TCF7L1: variants seen among roughly 807,000 people sequenced by gnomAD.
TCF7L1 encodes the protein transcription factor 7-like 1.
TCF7L1 carries 18 observed loss-of-function variants against 63.7 expected under a neutral mutation model. That is an observed-to-expected ratio of 0.28 (90% confidence interval 0.20 to 0.42). TCF7L1 has a LOEUF of 0.42. TCF7L1 is among the 10% of genes least tolerant of loss of function. The pLI is 1.00. For synonymous variants in TCF7L1, 355 were observed against 340.9 expected, an observed-to-expected ratio of 1.04 and a Z score of -0.46; for missense variants, 654 against 779.3, an observed-to-expected ratio of 0.84 and a Z score of 1.91.
chr2:85,237,020 G>A (rs1680207359), intron 3 of TCF7L1, among the ~76,000 whole-genome samples: 1 of 152,150 alleles, frequency 6.6e-6, no homozygotes, highest in Non-Finnish European at 1.5e-5. Context: ...TCTGAAATAG[G>A]ATGCTGAGAT....
chr2:85,196,570 A>G (rs369542502), intron 3 of TCF7L1, among the ~76,000 whole-genome samples: 1 of 150,968 alleles, frequency 6.6e-6, no homozygotes, highest in African/African-American at 2.4e-5. Context: ...GGGTCTCACT[A>G]TGTTGCCCAG....
At chr2:85,307,789 T>C in intron 11 of TCF7L1, 72 bp downstream of exon 11, 4 of 1,405,326 alleles carry the variant, frequency 2.8e-6, no homozygotes, top group Non-Finnish European at 3.0e-6. Flanking sequence ...ATGCTGTCTC[T>C]AGCTCCCTGA....
chr2:85,263,831 C>T (rs778898631), intron 3 of TCF7L1, among the ~76,000 whole-genome samples: 3 of 152,206 alleles, frequency 2.0e-5, no homozygotes, highest in Non-Finnish European at 4.4e-5. Flanking sequence ...GCTTTCGAGG[C>T]ATAGGCCAAG....
chr2:85,164,117 T>A (rs1025465557), intron 3 of TCF7L1, among the ~76,000 whole-genome samples: 2 of 151,990 alleles, frequency 1.3e-5, no homozygotes, highest in Non-Finnish European at 2.9e-5. Context: ...AGCTGCATAT[T>A]TTTTTTTCTT....
intron 3 of TCF7L1, among the ~76,000 whole-genome samples, chr2:85,244,264 T>G (rs1229058658): frequency 6.6e-6 from 1 of 152,102 alleles, no homozygotes; most frequent in East Asian, 1.9e-4. Flanking sequence ...GCCTTTTGAC[T>G]GAGATGGGGA....
chr2:85,302,324 C>T (rs773654053), intron 4 of TCF7L1, among the ~76,000 whole-genome samples, 160 bp from the exon 5 acceptor site: 1 of 152,162 alleles, frequency 6.6e-6, no homozygotes, highest in Non-Finnish European at 1.5e-5. Context: ...AGTCCTGCTG[C>T]TCTGCTGTGT....
chr2:85,147,235 T>TC (rs1677900402), intron 3 of TCF7L1, among the ~76,000 whole-genome samples: 1 of 152,216 alleles, frequency 6.6e-6, no homozygotes, highest in Non-Finnish European at 1.5e-5. Flanking sequence ...GTCCTCCACC[T>TC]CAGGCCAAGG....
chr2:85,217,811 A>T (rs924099221), intron 3 of TCF7L1, among the ~76,000 whole-genome samples: 5 of 152,186 alleles, frequency 3.3e-5, no homozygotes, highest in Non-Finnish European at 7.3e-5. Context: ...TAATTGGAAA[A>T]TCTGACATGC....
At chr2:85,190,401 G>C (rs1339626687) in intron 3 of TCF7L1, among the ~76,000 whole-genome samples, 1 of 152,182 alleles carries the variant, frequency 6.6e-6, no homozygotes, top group Non-Finnish European at 1.5e-5. Context: ...AATTTGAGAG[G>C]CTGAGTAAGG....
intron 3 of TCF7L1, among the ~76,000 whole-genome samples, chr2:85,156,629 T>C (rs1678153326): frequency 6.6e-6 from 1 of 152,240 alleles, no homozygotes; most frequent in African/African-American, 2.4e-5. Context: ...TCAAAAGTCC[T>C]GTGTATGTTT....
At chr2:85,174,204 T>C (rs1456574300) in intron 3 of TCF7L1, among the ~76,000 whole-genome samples, 1 of 152,194 alleles carries the variant, frequency 6.6e-6, no homozygotes, top group Non-Finnish European at 1.5e-5. Context: ...TTCTATGTTC[T>C]GGACCTGTCA....
chr2:85,197,165 C>T (rs1679175568), intron 3 of TCF7L1, among the ~76,000 whole-genome samples: 1 of 152,220 alleles, frequency 6.6e-6, no homozygotes, highest in African/African-American at 2.4e-5. Context: ...AATCCGAGCA[C>T]TTTGCAGGGC....
intron 4 of TCF7L1, 78 bp downstream of exon 4, chr2:85,283,656 G>A (rs998250500): frequency 6.8e-6 from 10 of 1,465,132 alleles, no homozygotes; most frequent in Middle Eastern, 1.8e-4. Flanking sequence ...CTGCCATCAC[G>A]CTGAAGCAGA....
In TCF7L1 at chr2:85,133,602, G is replaced by GC. The variant is rs1677507184; in HGVS notation, c.-82dup. 1 of 452,250 alleles carries GC rather than the reference G, an allele frequency of 2.2e-6. No homozygotes were observed. The highest frequency in any genetic ancestry group is 6.6e-5 in the Admixed American group (1 of 15,178). 28.0% of individuals were successfully genotyped at this position (452,250 alleles called of 1,614,324 possible). Reference sequence around the variant, plus strand: ...GCTAGCGCAGCGGGCCCGCAAGCGGGCGGGAGGGGCGCCGGGCCGGGCCGG... The same window carrying GC: ...GCTAGCGCAGCGGGCCCGCAAGCGGGCCGGGAGGGGCGCCGGGCCGGGCCGG... On this transcript the variant is annotated 5_prime_UTR_variant, in exon 1 of 12. Coordinates refer to ENST00000282111, the MANE Select transcript of TCF7L1 (RefSeq NM_031283.3). The surrounding 1 kb of genome is among the most constrained non-coding windows in gnomAD (Gnocchi z 4.4).
chr2:85,206,538 A>G (rs1679414005), intron 3 of TCF7L1, among the ~76,000 whole-genome samples: 1 of 152,162 alleles, frequency 6.6e-6, no homozygotes, highest in Admixed American at 6.5e-5. Flanking sequence ...TAATTTCCCA[A>G]AAAGTCCATC....
At chr2:85,174,576 C>T (rs1678632401) in intron 3 of TCF7L1, among the ~76,000 whole-genome samples, 1 of 152,244 alleles carries the variant, frequency 6.6e-6, no homozygotes, top group East Asian at 1.9e-4. Flanking sequence ...GGGCCTTCCC[C>T]CATTTCTGTG....
intron 3 of TCF7L1, among the ~76,000 whole-genome samples, chr2:85,195,734 A>G (rs1430351348): frequency 6.6e-6 from 1 of 151,884 alleles, no homozygotes; most frequent in African/African-American, 2.4e-5. Flanking sequence ...TTTTGTAGAG[A>G]TGGGGTCTCG....
chr2:85,298,027 G>A (rs1376258849), intron 4 of TCF7L1, among the ~76,000 whole-genome samples: 1 of 150,120 alleles, frequency 6.7e-6, no homozygotes, highest in Non-Finnish European at 1.5e-5. Flanking sequence ...GTGCGATCTC[G>A]GCTCACTGAA....
In TCF7L1 at chr2:85,306,176, A is replaced by T. The variant is rs543206408; in HGVS notation, c.990-30A>T. The T allele has an allele frequency of 6.2e-7, 1 of 1,613,420 alleles. No homozygotes were observed. The highest frequency in any genetic ancestry group is 1.3e-5 in the African/African-American group (1 of 74,894). The stretch of plus-strand genomic sequence containing the variant: ...ATTGATGAGTTGTGTGACACCTGAC[A>T]TGCTAACCTACAACCACGTGCCTTC... On this transcript the variant is annotated intron_variant, in intron 8 of 11. Transcript: ENST00000282111. This position sits in a 1 kb window ranked among gnomAD's most constrained non-coding sequence, Gnocchi z 4.3.
Sources: gnomAD v4.1 joint callset for allele counts (sites outside exome capture counted in the v4.1 genomes callset) on GRCh38, gnomAD v4.1.1 for gene constraint, Gnocchi (gnomAD v3.1) non-coding constraint, MANE v1.5 for transcripts, NCBI Gene and HGNC (gene_info 2026-07-23, HGNC 2026-07-21) for gene names.